SND1: variants seen among roughly 807,000 people sequenced by gnomAD.
The protein encoded by SND1 is staphylococcal nuclease and tudor domain containing 1.
A neutral mutation model predicts 121.7 loss-of-function variants in SND1; 38 were observed. The ratio of observed to expected loss-of-function variants is 0.31; its 90% CI spans 0.24 to 0.41. The LOEUF is 0.41. Ranked by LOEUF, SND1 falls within the 10% of genes least tolerant of loss-of-function variation. The pLI is 1.00. For missense variants in SND1, 868 were observed against 1,184.6 expected (o/e 0.73, Z 3.92); for synonymous variants, 401 against 447.4 (o/e 0.90, Z 1.31).
intron 16 of SND1, among the ~76,000 whole-genome samples, chr7:128,001,103 C>T (rs1802816296): frequency 6.6e-6 from 1 of 152,190 alleles, no homozygotes; most frequent in Non-Finnish European, 1.5e-5. Flanking sequence ...GTGACGGTTT[C>T]TGGTCAGCTG....
chr7:127,707,766 A>AGTGTGTGTGT lies in SND1; in HGVS notation c.1038+156_1038+165dup, dbSNP rs35627839. ...GAAAATTTCAAGGCAAGCCAGTAGG[A>AGTGTGTGTGT]GTGTGTGTGTGTGTGTGTGTGTGTG... On this transcript the variant is annotated intron_variant, in intron 9 of 23. Transcript: ENST00000354725. The AGTGTGTGTGT allele has an allele frequency of 8.0e-3, 3,277 of 408,812 alleles. 17 individuals carry two copies. The highest frequency in any genetic ancestry group is 0.011 in the Middle Eastern group (18 of 1,660). The allele number at this position is 408,812 out of a possible 1,614,324, so 25.3% of individuals were successfully genotyped here.
At chr7:128,027,452 C>A (rs548714662) in intron 16 of SND1, 1 of 152,556 alleles carries the variant, frequency 6.6e-6, no homozygotes, top group Non-Finnish European at 1.5e-5. Context: ...GGAAAGGCTT[C>A]ATTACTTTAC....
rs745495252 is a variant in SND1, at chr7:127,652,426, C to A, written c.53C>A (p.Thr18Asn). The A allele has an allele frequency of 6.9e-6, 11 of 1,588,922 alleles. No individual in the cohort carries two copies. In the East Asian group the frequency reaches 2.3e-4, roughly 33 times the overall value. ...TCCTCCGGGGGACCCGCGGTCCCCA[C>A]CGTGCAGCGGGGCATCATCAAGATG... ...GGSSGGPAVP[T>N]VQRGIIKMVL... The change falls in exon 1 of 24, where the codon ACC becomes AAC. Residue 18 changes from threonine to asparagine, a missense_variant. By Grantham distance (65) the Thr-to-Asn change is moderately conservative (BLOSUM62 0). Transcript: ENST00000354725.
intron 10 of SND1, among the ~76,000 whole-genome samples, chr7:127,734,037 G>C (rs1199185160): frequency 6.6e-6 from 1 of 152,116 alleles, no homozygotes; most frequent in Non-Finnish European, 1.5e-5. Context: ...CACCGTTCTA[G>C]ATTGTTGCTC....
intron 15 of SND1, among the ~76,000 whole-genome samples, chr7:127,977,440 A>G (rs1305731114): frequency 1.3e-5 from 2 of 152,148 alleles, no homozygotes; most frequent in Non-Finnish European, 2.9e-5. Flanking sequence ...AAGGAATTGG[A>G]CCAGATCTTA....
rs773528443 is a variant in SND1, at chr7:128,029,758, A to G, written c.1779+38702A>G. On this transcript the variant is annotated intron_variant, in intron 16 of 23. Coordinates refer to ENST00000354725, the MANE Select transcript of SND1 (RefSeq NM_014390.4). The surrounding 1 kb of genome is among the most constrained non-coding windows in gnomAD (Gnocchi z 4.2). ...TTCCAAGGGTTGTGGTGTAGATGCA[A>G]CTCCACCAGGTACCTCAGCGGGGTA... 7 of 1,613,284 alleles carry G rather than the reference A, an allele frequency of 4.3e-6. No individual in the cohort carries two copies. The highest frequency in any genetic ancestry group is 3.3e-5 in the Admixed American group (2 of 59,972).
At chr7:127,801,322 T>A (rs1176905434) in intron 10 of SND1, among the ~76,000 whole-genome samples, 1 of 152,256 alleles carries the variant, frequency 6.6e-6, no homozygotes, top group Non-Finnish European at 1.5e-5. Context: ...CTGACAATTA[T>A]CAAGTTATAC....
chr7:127,751,695 C>A (rs912811066), intron 10 of SND1, among the ~76,000 whole-genome samples: 5 of 152,208 alleles, frequency 3.3e-5, no homozygotes, highest in Non-Finnish European at 7.3e-5. Context: ...GCTGTTCCAG[C>A]AAATCTGTGG....
rs571186415 is a variant in SND1, at chr7:127,933,002, C to T, written c.1669+3673C>T. Among the ~76,000 whole-genome samples, 12 of 152,264 alleles carry T rather than the reference C, an allele frequency of 7.9e-5. No individual in the cohort carries two copies. The South Asian group carries it at 2.5e-3, about 32-fold the overall frequency. ...CTGCTCTGTAGCATCTCATCTTCTG[C>T]TCTGAGAAAGAAAAGCATCCTTTTG... On this transcript the variant is annotated intron_variant, in intron 15 of 23. Coordinates refer to ENST00000354725, the MANE Select transcript of SND1 (RefSeq NM_014390.4).
chr7:127,941,000 C>T (rs558627659), intron 15 of SND1, among the ~76,000 whole-genome samples: 58 of 152,346 alleles, frequency 3.8e-4, no homozygotes, highest in Non-Finnish European at 6.5e-4. Flanking sequence ...AGCTGCTCTT[C>T]GTCTCAGTGC....
intron 15 of SND1, among the ~76,000 whole-genome samples, chr7:127,934,543 G>T (rs1801017542): frequency 6.6e-6 from 1 of 152,056 alleles, no homozygotes; most frequent in East Asian, 1.9e-4. Context: ...GAGAAAACTG[G>T]ATAGATTTGG....
chr7:127,764,629 T>A (rs565851217), intron 10 of SND1, among the ~76,000 whole-genome samples: 9 of 152,368 alleles, frequency 5.9e-5, no homozygotes, highest in African/African-American at 2.2e-4. Flanking sequence ...TATTTGAGTT[T>A]TCGTTGAGCT....
At chr7:128,064,230 G>C (rs1398375848) in intron 16 of SND1, among the ~76,000 whole-genome samples, 7 of 152,140 alleles carry the variant, frequency 4.6e-5, no homozygotes, top group Admixed American at 4.6e-4. Context: ...ACCCACTCTA[G>C]ATTAAGCCAG....
At chr7:128,038,901 T>G (rs1792800982) in intron 16 of SND1, among the ~76,000 whole-genome samples, 1 of 152,216 alleles carries the variant, frequency 6.6e-6, no homozygotes, top group African/African-American at 2.4e-5. Flanking sequence ...GTGATCTTTG[T>G]GACAGTAGAT....
intron 10 of SND1, among the ~76,000 whole-genome samples, chr7:127,778,361 C>G (rs906971183): frequency 2.0e-5 from 3 of 152,042 alleles, no homozygotes; most frequent in Non-Finnish European, 2.9e-5. Flanking sequence ...CCACGCCCAG[C>G]TAACTTTTCA....
chr7:127,932,966 C>T (rs958517393), intron 15 of SND1, among the ~76,000 whole-genome samples: 2 of 152,132 alleles, frequency 1.3e-5, no homozygotes, highest in African/African-American at 4.8e-5. Flanking sequence ...TGTATATATT[C>T]ATCTCATCCT....
At chr7:128,074,418 C>T (rs760197513) in intron 16 of SND1, 84 bp from the exon 17 acceptor site, 28 of 1,395,978 alleles carry the variant, frequency 2.0e-5, no homozygotes, top group African/African-American at 1.1e-4. Context: ...CCCAAGGCTT[C>T]GGCGCTGCTG....
At chr7:128,081,200 A>G (rs576592799) in intron 17 of SND1, among the ~76,000 whole-genome samples, 160 bp from the exon 18 acceptor site, 2 of 151,994 alleles carry the variant, frequency 1.3e-5, no homozygotes, top group South Asian at 4.2e-4. Flanking sequence ...GTTTCACCAT[A>G]TTGGCCAGTC....
intron 12 of SND1, among the ~76,000 whole-genome samples, chr7:127,861,536 G>A (rs145924777): frequency 1.7e-3 from 258 of 152,188 alleles, no homozygotes; most frequent in African/African-American, 5.9e-3. Context: ...ATGCAGTGGC[G>A]CTGTCTTGGC....
Sources: gnomAD v4.1 joint callset for allele counts (sites outside exome capture counted in the v4.1 genomes callset) on GRCh38, gnomAD v4.1.1 for gene constraint, Gnocchi (gnomAD v3.1) non-coding constraint, MANE v1.5 for transcripts, NCBI Gene and HGNC (gene_info 2026-07-23, HGNC 2026-07-21) for gene names.